Variants in ARHGAP15 observed in about 807,000 individuals in gnomAD.
ARHGAP15 encodes rho GTPase-activating protein 15.
In ARHGAP15, 51 loss-of-function variants were observed where a neutral mutation model predicts 63.7. That is an observed-to-expected ratio of 0.80 (90% CI 0.64 to 1.01). ARHGAP15 has a LOEUF of 1.01. ARHGAP15 is among the 50% of genes least tolerant of loss of function. ARHGAP15 has a pLI of 0.00. For synonymous variants in ARHGAP15, 191 were observed against 193.8 expected (o/e 0.99, Z 0.12); for missense variants, 560 against 564.6 (o/e 0.99, Z 0.08).
chr2:143,317,317 T>G (rs1683766859), intron 6 of ARHGAP15, among the ~76,000 whole-genome samples: 1 of 152,206 alleles, frequency 6.6e-6, no homozygotes, highest in Non-Finnish European at 1.5e-5. Context: ...ATTCATTGAG[T>G]GTGAAGTGTA....
intron 6 of ARHGAP15, among the ~76,000 whole-genome samples, chr2:143,349,260 G>C (rs1022157855): frequency 2.6e-5 from 4 of 152,148 alleles, no homozygotes; most frequent in Non-Finnish European, 5.9e-5. Flanking sequence ...GGATAAAAGG[G>C]ACTGCTGAAA....
At chr2:143,593,775 C>T (rs997203798) in intron 11 of ARHGAP15, among the ~76,000 whole-genome samples, 2 of 152,056 alleles carry the variant, frequency 1.3e-5, no homozygotes, top group African/African-American at 4.8e-5. Flanking sequence ...TTAAATACCC[C>T]TAGAATATAT....
chr2:143,186,195 A>G (rs183382296), intron 2 of ARHGAP15, among the ~76,000 whole-genome samples: 45 of 152,350 alleles, frequency 3.0e-4, no homozygotes, highest in African/African-American at 1.1e-3. Flanking sequence ...AAATAGGAAT[A>G]CAATCATATT....
At chr2:143,641,015 T>G (rs1219023587) in intron 12 of ARHGAP15, 1 of 152,110 alleles carries the variant, frequency 6.6e-6, no homozygotes, top group Non-Finnish European at 1.5e-5. Context: ...CAGGACCTGG[T>G]GTGACAACCA....
At chr2:143,462,525 GTGTGACAC>G (rs2105162956) in intron 8 of ARHGAP15, among the ~76,000 whole-genome samples, 1 of 152,274 alleles carries the variant, frequency 6.6e-6, no homozygotes, top group East Asian at 1.9e-4. Flanking sequence ...CATTCAATAA[GTGTGACAC>G]TGTCCTATGC....
At chr2:143,477,437 A>C (rs1691874574) in intron 8 of ARHGAP15, among the ~76,000 whole-genome samples, 1 of 152,094 alleles carries the variant, frequency 6.6e-6, no homozygotes, top group Non-Finnish European at 1.5e-5. Flanking sequence ...ATTAATATTA[A>C]TCTATTAAGA....
At chr2:143,530,348 A>G (rs1332152875) in intron 10 of ARHGAP15, among the ~76,000 whole-genome samples, 1 of 152,154 alleles carries the variant, frequency 6.6e-6, no homozygotes, top group Non-Finnish European at 1.5e-5. Flanking sequence ...AAATAGGGCA[A>G]TGACCTTTGT....
At chr2:143,310,060 G>A (rs1683366423) in intron 6 of ARHGAP15, among the ~76,000 whole-genome samples, 1 of 151,910 alleles carries the variant, frequency 6.6e-6, no homozygotes, top group African/African-American at 2.4e-5. Context: ...TTTGAAAATA[G>A]CATGAATATG....
chr2:143,132,602 T>C (rs1688955441), intron 1 of ARHGAP15, among the ~76,000 whole-genome samples: 1 of 152,228 alleles, frequency 6.6e-6, no homozygotes, highest in Non-Finnish European at 1.5e-5. Context: ...GCAGACAGCA[T>C]GCGTGACCAT....
At chr2:143,506,128 T>C (rs1693302418) in intron 9 of ARHGAP15, among the ~76,000 whole-genome samples, 1 of 152,212 alleles carries the variant, frequency 6.6e-6, no homozygotes, top group South Asian at 2.1e-4. Context: ...AAATCTATGC[T>C]GATATTAGGA....
chr2:143,645,322 G>C (rs1680818091), intron 12 of ARHGAP15, among the ~76,000 whole-genome samples: 1 of 152,018 alleles, frequency 6.6e-6, no homozygotes, highest in Non-Finnish European at 1.5e-5. Flanking sequence ...ACTTAGATTT[G>C]TACCATATAA....
intron 12 of ARHGAP15, among the ~76,000 whole-genome samples, chr2:143,654,365 A>AACTT (rs1681325267): frequency 6.6e-6 from 1 of 152,174 alleles, no homozygotes; most frequent in African/African-American, 2.4e-5. Context: ...AGGTCACTAT[A>AACTT]ACTTACTCAA....
intron 12 of ARHGAP15, among the ~76,000 whole-genome samples, chr2:143,661,117 T>A (rs1395161522): frequency 6.6e-6 from 1 of 152,170 alleles, no homozygotes; most frequent in Admixed American, 6.5e-5. Context: ...ATTCTTCCAT[T>A]CTCATGTCTC....
intron 12 of ARHGAP15, among the ~76,000 whole-genome samples, chr2:143,690,104 G>A (rs920522560): frequency 6.6e-6 from 1 of 152,154 alleles, no homozygotes; most frequent in African/African-American, 2.4e-5. Flanking sequence ...AGAAATATAA[G>A]GATGCTTCTA....
At position 143,306,974 on chromosome 2, in the gene ARHGAP15, G is replaced by A. The variant is rs116181860; in HGVS notation, c.474+56374G>A. On this transcript the variant is annotated intron_variant, in intron 6 of 13. Transcript: ENST00000295095. ...GGTCTCACGAAGTTGCTATGAAGTC[G>A]TCAGTGGGGCTGTGATCTCCTCTGA... Among the ~76,000 whole-genome samples, 560 of 152,180 alleles carry A rather than the reference G, an allele frequency of 3.7e-3. 5 individuals carry two copies. The highest frequency in any genetic ancestry group is 0.012 in the African/African-American group (513 of 41,522).
At chr2:143,495,623 CA>C (rs201488440) in intron 9 of ARHGAP15, among the ~76,000 whole-genome samples, 1 of 151,398 alleles carries the variant, frequency 6.6e-6, no homozygotes, top group African/African-American at 2.4e-5. Flanking sequence ...TGTTGAGAAA[CA>C]AAAAAAAGAT....
chr2:143,447,062 A>G (rs994023745), intron 8 of ARHGAP15, among the ~76,000 whole-genome samples: 21 of 151,944 alleles, frequency 1.4e-4, no homozygotes, highest in Admixed American at 1.0e-3. Flanking sequence ...AGTCTTTGCT[A>G]TTGTGAATAG....
chr2:143,636,898 C>T (rs1395679352), intron 12 of ARHGAP15, among the ~76,000 whole-genome samples: 1 of 152,102 alleles, frequency 6.6e-6, no homozygotes, highest in Non-Finnish European at 1.5e-5. Flanking sequence ...GCCTGGAAGT[C>T]CAAGATGAGG....
intron 13 of ARHGAP15, among the ~76,000 whole-genome samples, chr2:143,712,115 A>G (rs546578618): frequency 6.6e-6 from 1 of 152,314 alleles, no homozygotes; most frequent in East Asian, 1.9e-4. Flanking sequence ...AGTCCAAGCT[A>G]GAGATCCCCA....
Sources: gnomAD v4.1 joint callset for allele counts (sites outside exome capture counted in the v4.1 genomes callset) on GRCh38, gnomAD v4.1.1 for gene constraint, MANE v1.5 for transcripts, NCBI Gene and HGNC (gene_info 2026-07-23, HGNC 2026-07-21) for gene names.